IMMP2L: variants seen among roughly 807,000 people sequenced by gnomAD.
The protein encoded by IMMP2L is inner mitochondrial membrane peptidase subunit 2, also known as mitochondrial inner membrane protease subunit 2.
Under a neutral mutation model 19.3 loss-of-function variants are expected in IMMP2L, and 18 were observed. The observed-to-expected ratio is 0.93, with a 90% confidence interval of 0.64 to 1.38. The LOEUF is 1.38. Ranked by LOEUF, IMMP2L falls within the 40% of genes most tolerant of loss-of-function variation. IMMP2L has a pLI of 0.00. For synonymous variants in IMMP2L, 76 were observed against 73.0 expected, an observed-to-expected ratio of 1.04 and a Z score of -0.21; for missense variants, 233 against 218.2, an observed-to-expected ratio of 1.07 and a Z score of -0.43.
intron 5 of IMMP2L, among the ~76,000 whole-genome samples, chr7:110,884,718 T>C (rs904639329): frequency 6.6e-6 from 1 of 152,104 alleles, no homozygotes; most frequent in African/African-American, 2.4e-5. Flanking sequence ...GACACTTCTA[T>C]ACTGTAAGTG....
intron 5 of IMMP2L, among the ~76,000 whole-genome samples, chr7:110,732,715 A>T (rs1796347780): frequency 6.6e-6 from 1 of 152,124 alleles, no homozygotes. Flanking sequence ...AAGCTACTAC[A>T]TATGCTTCGT....
At chr7:111,053,792 T>A (rs2129573340) in intron 3 of IMMP2L, among the ~76,000 whole-genome samples, 1 of 152,328 alleles carries the variant, frequency 6.6e-6, no homozygotes, top group African/African-American at 2.4e-5. Flanking sequence ...CTGCTATAAA[T>A]AAGTGTATCT....
intron 3 of IMMP2L, among the ~76,000 whole-genome samples, chr7:111,406,759 C>A (rs1833932318): frequency 6.6e-6 from 1 of 151,954 alleles, no homozygotes; most frequent in Non-Finnish European, 1.5e-5. Context: ...AATTCTATAT[C>A]CCTGTTAATA....
chr7:111,289,499 A>C (rs1175207046), intron 3 of IMMP2L, among the ~76,000 whole-genome samples: 1 of 152,076 alleles, frequency 6.6e-6, no homozygotes, highest in African/African-American at 2.4e-5. Flanking sequence ...TTTAGTGCTT[A>C]ATTTGTAAGG....
intron 3 of IMMP2L, among the ~76,000 whole-genome samples, chr7:110,987,569 A>G (rs1821989270): frequency 6.6e-6 from 1 of 152,136 alleles, no homozygotes; most frequent in Admixed American, 6.6e-5. Context: ...TAATGGTAGA[A>G]CCTTAAGAAG....
intron 3 of IMMP2L, among the ~76,000 whole-genome samples, chr7:111,428,189 C>T (rs1466166737): frequency 6.6e-6 from 1 of 151,508 alleles, no homozygotes; most frequent in Non-Finnish European, 1.5e-5. Flanking sequence ...TGTATTTCAC[C>T]CTTACAGAAA....
chr7:110,670,327 T>C (rs1380664185), intron 5 of IMMP2L, among the ~76,000 whole-genome samples: 2 of 152,208 alleles, frequency 1.3e-5, no homozygotes, highest in Non-Finnish European at 2.9e-5. Flanking sequence ...TAAATTTCTG[T>C]TGTTTAAGCC....
At chr7:111,479,428 T>C (rs1841993634) in intron 3 of IMMP2L, among the ~76,000 whole-genome samples, 1 of 152,154 alleles carries the variant, frequency 6.6e-6, no homozygotes, top group South Asian at 2.1e-4. Flanking sequence ...CACTGACTGA[T>C]CTGTGGCCTA....
chr7:111,162,289 G>T (rs1391078667), intron 3 of IMMP2L, among the ~76,000 whole-genome samples: 1 of 152,016 alleles, frequency 6.6e-6, no homozygotes, highest in Non-Finnish European at 1.5e-5. Flanking sequence ...GAATCTTGAA[G>T]AAATTTATTA....
intron 3 of IMMP2L, among the ~76,000 whole-genome samples, chr7:111,150,694 T>C (rs1258027461): frequency 6.6e-6 from 1 of 152,200 alleles, no homozygotes; most frequent in African/African-American, 2.4e-5. Flanking sequence ...CTTATATAAA[T>C]ATGTAAGTGT....
At chr7:111,290,853 CACACAT>C (rs1420082494) in intron 3 of IMMP2L, among the ~76,000 whole-genome samples, 2 of 151,266 alleles carry the variant, frequency 1.3e-5, no homozygotes, top group Non-Finnish European at 2.9e-5. Context: ...CACACACACA[CACACAT>C]ATATATATAT....
At chr7:110,812,885 A>G (rs1802146195) in intron 5 of IMMP2L, among the ~76,000 whole-genome samples, 2 of 152,038 alleles carry the variant, frequency 1.3e-5, no homozygotes, top group Admixed American at 1.3e-4. Flanking sequence ...AAGAAAAAAA[A>G]AGGCAAATCA....
intron 3 of IMMP2L, among the ~76,000 whole-genome samples, chr7:111,259,076 A>G (rs1339238614): frequency 6.6e-6 from 1 of 152,096 alleles, no homozygotes; most frequent in Admixed American, 6.6e-5. Context: ...CTGTGACACA[A>G]TAAGTATTTG....
At chr7:111,513,773 G>C (rs1408263418) in intron 2 of IMMP2L, among the ~76,000 whole-genome samples, 1 of 152,110 alleles carries the variant, frequency 6.6e-6, no homozygotes. Flanking sequence ...GTATATATAT[G>C]AGTGCGTGTG....
At chr7:111,079,318 C>A (rs1323077287) in intron 3 of IMMP2L, among the ~76,000 whole-genome samples, 1 of 151,428 alleles carries the variant, frequency 6.6e-6, no homozygotes, top group African/African-American at 2.4e-5. Context: ...GGGGTTTCAC[C>A]GTTTTAGCCG....
chr7:110,981,092 T>C (rs56160040), intron 3 of IMMP2L, among the ~76,000 whole-genome samples: 69,411 of 151,934 alleles, frequency 0.46, 17,537 homozygotes, highest in Non-Finnish European at 0.58. Context: ...AATTATTGAG[T>C]TTGCAAATTC....
intron 2 of IMMP2L, among the ~76,000 whole-genome samples, chr7:111,518,444 G>C (rs907688871): frequency 1.3e-5 from 2 of 152,066 alleles, no homozygotes; most frequent in Admixed American, 6.6e-5. Context: ...ACCTTCAAGA[G>C]TGGCTTTTCC....
intron 2 of IMMP2L, among the ~76,000 whole-genome samples, chr7:111,493,797 G>C (rs1843330248): frequency 6.6e-6 from 1 of 151,056 alleles, no homozygotes; most frequent in Non-Finnish European, 1.5e-5. Context: ...CATGAGGTCA[G>C]GAGATCGAGA....
chr7:111,524,508 C>G (rs948522872), intron 1 of IMMP2L, among the ~76,000 whole-genome samples: 3 of 151,522 alleles, frequency 2.0e-5, no homozygotes, highest in Non-Finnish European at 4.4e-5. Context: ...GTTCCCCAAG[C>G]TTGCCTTGAC....
Sources: gnomAD v4.1 joint callset for allele counts (sites outside exome capture counted in the v4.1 genomes callset) on GRCh38, gnomAD v4.1.1 for gene constraint, MANE v1.5 for transcripts, NCBI Gene and HGNC (gene_info 2026-07-23, HGNC 2026-07-21) for gene names.